ZNF469: variants seen among roughly 807,000 people sequenced by gnomAD.
ZNF469 encodes the protein zinc finger protein 469.
A neutral mutation model predicts 1.0 loss-of-function variants in ZNF469; 1 was observed. The ratio of observed to expected loss-of-function variants is 1.00; its 90% confidence interval spans 0.35 to 4.73. The LOEUF is 4.73. Ranked by LOEUF, ZNF469 falls within the 30% of genes most tolerant of loss-of-function variation. The probability of loss-of-function intolerance (pLI) is 0.16; values close to 1 mark genes in which losing one functional copy is unlikely to be tolerated. For missense variants in ZNF469, 6,100 were observed against 5,356.3 expected (o/e 1.14, Z -4.33); for synonymous variants, 2,703 against 2,363.4 (o/e 1.14, Z -4.17).
Position 88,428,740 on chromosome 16 carries a change from G to A in ZNF469, c.1270G>A (p.Asp424Asn), listed in dbSNP as rs1285614919. ...GGTGGACACCAGCCCGGGGCCTCCG[G>A]ACACCGAGCTGGCCGCCCCAGGGCC... Reference protein sequence around the residue: ...SGVDTSPGPPDTELAAPGPPP... With the variant: ...SGVDTSPGPPNTELAAPGPPP... The change falls in exon 3 of 3, where the codon GAC becomes AAC. Residue 424 changes from aspartate (D) to asparagine (N), a missense_variant. Transcript: ENST00000565624. 1 of 1,546,836 alleles carries A rather than the reference G, an allele frequency of 6.5e-7. No individual in the cohort carries two copies. The highest frequency in any genetic ancestry group is 8.7e-7 in the Non-Finnish European group (1 of 1,146,524).
chr16:88,287,804 A>G, the ZNF469 span, among the ~76,000 whole-genome samples: 78 of 152,272 alleles, frequency 5.1e-4, no homozygotes, highest in African/African-American at 1.7e-3. Context: ...ACCCTGCCGC[A>G]TTAGCCTTAT....
At chr16:88,188,960 A>G in the ZNF469 span, among the ~76,000 whole-genome samples, 1 of 152,082 alleles carries the variant, frequency 6.6e-6, no homozygotes, top group South Asian at 2.1e-4. Context: ...ATGGATGCTC[A>G]GTAAGCCAAA....
the ZNF469 span, among the ~76,000 whole-genome samples, chr16:88,322,014 G>T: frequency 6.6e-6 from 1 of 152,236 alleles, no homozygotes; most frequent in East Asian, 1.9e-4. Flanking sequence ...ATCTCTGTGG[G>T]ATGAGAGGGC....
chr16:88,211,814 C>T, the ZNF469 span, among the ~76,000 whole-genome samples: 2 of 152,122 alleles, frequency 1.3e-5, no homozygotes, highest in African/African-American at 4.8e-5. Context: ...AGAATGTTTG[C>T]CACCTGTGTG....
chr16:88,181,807 G>A, the ZNF469 span, among the ~76,000 whole-genome samples: 1 of 152,170 alleles, frequency 6.6e-6, no homozygotes, highest in Non-Finnish European at 1.5e-5. Flanking sequence ...GATAATGATC[G>A]AAGCAGAAAG....
the ZNF469 span, among the ~76,000 whole-genome samples, chr16:88,244,051 G>T: frequency 6.8e-6 from 1 of 146,870 alleles, no homozygotes; most frequent in East Asian, 2.1e-4. Context: ...ATGGGTGAAT[G>T]GATGAGTGCA....
rs895879984 is a variant in ZNF469, at chr16:88,430,106, C to G, written c.2636C>G (p.Pro879Arg). 6.5e-7 allele frequency: 1 copy of G among 1,542,308 alleles called. No homozygotes were observed. The highest frequency in any genetic ancestry group is 1.5e-5 in the African/African-American group (1 of 66,128). ...GAGGAGCCTTCCGGCCCCAGAGGTC[C>G]CAGCTCCGGACACCCCCTTAAGAGC... is the stretch of plus-strand genomic sequence containing the variant. Reference protein sequence around the residue: ...ADEEPSGPRGPSSGHPLKSKA... With the variant: ...ADEEPSGPRGRSSGHPLKSKA... The change falls in exon 3 of 3, where the codon CCC becomes CGC. Residue 879 changes from proline to arginine, a missense_variant. Coordinates refer to ENST00000565624, the MANE Select transcript of ZNF469 (RefSeq NM_001367624.2).
chr16:88,379,676 G>A (rs920436008), upstream of ZNF469, among the ~76,000 whole-genome samples: 1 of 152,190 alleles, frequency 6.6e-6, no homozygotes, highest in African/African-American at 2.4e-5. Flanking sequence ...CTAGATGCCA[G>A]AGGTAGCTCC....
At chr16:88,249,059 C>T in the ZNF469 span, among the ~76,000 whole-genome samples, 2 of 152,176 alleles carry the variant, frequency 1.3e-5, no homozygotes, top group East Asian at 3.9e-4. Context: ...CATGTCTATG[C>T]GCTCTTTTTA....
At position 88,437,454 on chromosome 16, in the gene ZNF469, G is replaced by A. The variant is rs534030108; in HGVS notation, c.9984G>A (p.Val3328=). 7 of 1,529,394 alleles carry A rather than the reference G, an allele frequency of 4.6e-6. No homozygotes were observed. In the African/African-American group the frequency reaches 8.3e-5, roughly 18 times the overall value. The allele number at this position is 1,529,394 out of a possible 1,614,324, so 94.7% of individuals were successfully genotyped here. A position where few individuals can be genotyped will look rare whatever the true frequency, so the allele number is the denominator to read the frequency against. The part of the protein sequence containing the change: ...GGEPLLQATP[V]HEACKDPSRD... ...AGCCCCTCCTGCAAGCCACCCCGGT[G>A]CACGAGGCCTGCAAGGACCCCTCCC... The change falls in exon 3 of 3, where the codon GTG becomes GTA. Residue 3328 remains valine (V), a synonymous_variant. Transcript: ENST00000565624.
At chr16:88,243,923 T>C in the ZNF469 span, among the ~76,000 whole-genome samples, 4 of 82,900 alleles carry the variant, frequency 4.8e-5, 1 homozygote, top group Non-Finnish European at 7.1e-5. Flanking sequence ...TATATATATA[T>C]ATATATATAT....
At chr16:88,390,343 G>T (rs1904452663) in intron 1 of ZNF469, among the ~76,000 whole-genome samples, 1 of 152,206 alleles carries the variant, frequency 6.6e-6, no homozygotes, top group African/African-American at 2.4e-5. Context: ...CCCCACCGAG[G>T]TCAGGGCACC....
the ZNF469 span, among the ~76,000 whole-genome samples, chr16:88,305,389 C>A: frequency 6.6e-6 from 1 of 151,042 alleles, no homozygotes; most frequent in African/African-American, 2.4e-5. Context: ...CACACCCTCA[C>A]ATGTGCACAC....
chr16:88,147,508 G>A, the ZNF469 span, among the ~76,000 whole-genome samples: 1 of 152,066 alleles, frequency 6.6e-6, no homozygotes, highest in African/African-American at 2.4e-5. Context: ...GGGTGTGGGT[G>A]GGAGCCAGGA....
the ZNF469 span, among the ~76,000 whole-genome samples, chr16:88,238,187 G>C: frequency 6.6e-6 from 1 of 152,228 alleles, no homozygotes; most frequent in Non-Finnish European, 1.5e-5. Context: ...GGATGCCCAC[G>C]CTGCCATGTG....
At chr16:88,175,670 A>C in the ZNF469 span, among the ~76,000 whole-genome samples, 1 of 152,240 alleles carries the variant, frequency 6.6e-6, no homozygotes, top group African/African-American at 2.4e-5. Context: ...AATCCATCAC[A>C]CTGTATAGAG....
rs190108769 is a variant in ZNF469 at position 88,439,824 on chromosome 16, G to A, written c.*492G>A. 1.4e-4 allele frequency: 33 copies of A among 231,302 alleles called. No homozygotes were observed. The Admixed American group carries it at 1.7e-3, about 12-fold the overall frequency. 14.3% of individuals were successfully genotyped at this position (231,302 alleles called of 1,614,324 possible). ...TAGAAACCACGTGGGGGAAGGCAGTGCTCACTACTTAGAAGGGTTGCTTCT... is the reference window on the plus strand; with the variant it reads ...TAGAAACCACGTGGGGGAAGGCAGTACTCACTACTTAGAAGGGTTGCTTCT... On this transcript the variant is annotated 3_prime_UTR_variant, in exon 3 of 3. Coordinates refer to ENST00000565624, the MANE Select transcript of ZNF469 (RefSeq NM_001367624.2).
At chr16:88,350,736 A>T in the ZNF469 span, among the ~76,000 whole-genome samples, 44 of 152,368 alleles carry the variant, frequency 2.9e-4, no homozygotes, top group African/African-American at 1.1e-3. Context: ...GGCCAGAAGT[A>T]GATGTTGATT....
At chr16:88,208,040 G>C in the ZNF469 span, among the ~76,000 whole-genome samples, 2 of 152,162 alleles carry the variant, frequency 1.3e-5, no homozygotes, top group Admixed American at 6.5e-5. Context: ...CGACTGAAGA[G>C]ATTTCCTTTC....
Sources: gnomAD v4.1 joint callset for allele counts (sites outside exome capture counted in the v4.1 genomes callset) on GRCh38, gnomAD v4.1.1 for gene constraint, MANE v1.5 for transcripts, NCBI Gene and HGNC (gene_info 2026-07-23, HGNC 2026-07-21) for gene names.